Variants in PLCB4 observed in about 807,000 individuals in gnomAD.
The protein encoded by PLCB4 is phospholipase C beta 4, also known as 1-phosphatidylinositol 4,5-bisphosphate phosphodiesterase beta-4.
A neutral mutation model predicts 178.8 loss-of-function variants in PLCB4; 77 were observed. The observed-to-expected ratio is 0.43, with a 90% CI of 0.36 to 0.52. The LOEUF (loss-of-function observed/expected upper bound fraction) is 0.52. Ranked by LOEUF, PLCB4 falls within the 20% of genes least tolerant of loss-of-function variation. The pLI, the probability that PLCB4 is intolerant of heterozygous loss-of-function variation, is 0.00. For missense variants in PLCB4, 1,024 were observed against 1,453.4 expected (o/e 0.70, Z 4.80); for synonymous variants, 496 against 490.8 (o/e 1.01, Z -0.14).
At chr20:9,466,812 C>T (rs191303703) in intron 35 of PLCB4, among the ~76,000 whole-genome samples, 76 of 152,270 alleles carry the variant, frequency 5.0e-4, no homozygotes, top group Admixed American at 2.5e-3. Flanking sequence ...GAAATAGGAA[C>T]GCTTTTACAC....
chr20:9,341,701 A>C (rs2148093135), intron 7 of PLCB4, among the ~76,000 whole-genome samples: 1 of 151,708 alleles, frequency 6.6e-6, no homozygotes, highest in South Asian at 2.1e-4. Context: ...GTGGGCCCAC[A>C]TAGTTCAAAC....
chr20:9,314,424 A>G (rs1372721892), intron 4 of PLCB4, among the ~76,000 whole-genome samples: 1 of 152,020 alleles, frequency 6.6e-6, no homozygotes, highest in Admixed American at 6.6e-5. Flanking sequence ...AAATGAGAAG[A>G]TTTTTCTAAC....
intron 3 of PLCB4, among the ~76,000 whole-genome samples, chr20:9,256,640 A>G (rs1325820081): frequency 6.6e-6 from 1 of 152,198 alleles, no homozygotes; most frequent in East Asian, 1.9e-4. Flanking sequence ...TGGCTGTTAT[A>G]TTTCGTTACA....
At chr20:9,339,899 G>T (rs963519463) in intron 7 of PLCB4, among the ~76,000 whole-genome samples, 1 of 152,144 alleles carries the variant, frequency 6.6e-6, no homozygotes, top group Non-Finnish European at 1.5e-5. Flanking sequence ...AGAAAGCCTC[G>T]TAAATATTTT....
At chr20:9,229,735 A>G (rs996659246) in intron 3 of PLCB4, among the ~76,000 whole-genome samples, 2 of 151,978 alleles carry the variant, frequency 1.3e-5, no homozygotes, top group African/African-American at 4.8e-5. Flanking sequence ...TATGTGCAGG[A>G]TGTGCAGGTC....
chr20:9,429,340 G>C (rs139851766), intron 28 of PLCB4, among the ~76,000 whole-genome samples: 1,908 of 152,202 alleles, frequency 0.013, 23 homozygotes, highest in Non-Finnish European at 0.018. Context: ...ATCAGCACTG[G>C]AAATGAATTC....
chr20:9,158,035 G>A (rs6140880), intron 2 of PLCB4, among the ~76,000 whole-genome samples: 1 of 152,262 alleles, frequency 6.6e-6, no homozygotes, highest in South Asian at 2.1e-4. Context: ...CTTTGAAGTA[G>A]GTACTATCCT....
intron 3 of PLCB4, among the ~76,000 whole-genome samples, chr20:9,295,237 C>T: frequency 6.6e-6 from 1 of 152,104 alleles, no homozygotes; most frequent in Non-Finnish European, 1.5e-5. Flanking sequence ...CTGAACTCTC[C>T]CTGAAAATTG....
chr20:9,466,721 C>T (rs2043810228), intron 35 of PLCB4, among the ~76,000 whole-genome samples: 1 of 152,156 alleles, frequency 6.6e-6, no homozygotes, highest in Non-Finnish European at 1.5e-5. Flanking sequence ...AAATCAAAAC[C>T]ACAAGAGTTG....
chr20:9,371,393 T>C (rs2036241941), intron 10 of PLCB4, 98 bp downstream of exon 10: 1 of 649,646 alleles, frequency 1.5e-6, no homozygotes, highest in Admixed American at 2.4e-5. Flanking sequence ...TGATCTAAAT[T>C]AGATTTGGAA....
At chr20:9,144,413 C>A (rs963921683) in intron 2 of PLCB4, among the ~76,000 whole-genome samples, 4 of 151,820 alleles carry the variant, frequency 2.6e-5, no homozygotes, top group Admixed American at 6.6e-5. Flanking sequence ...GCAGATTACA[C>A]CTTTGCTTAA....
In PLCB4 at chr20:9,417,196, CTTATT is replaced by C. The variant is rs530492708; in HGVS notation, c.2052-2609_2052-2605del. ...TGGATTCTTTAAATCTATGGTTATACTTATTTCTAATAATTTTTTAATTTTTTTTA... is the reference window on the plus strand; with the variant it reads ...TGGATTCTTTAAATCTATGGTTATACTCTAATAATTTTTTAATTTTTTTTA... On this transcript the variant is annotated intron_variant, in intron 25 of 39. Coordinates refer to ENST00000378473, the MANE Select transcript of PLCB4 (RefSeq NM_001377142.1). Among the ~76,000 whole-genome samples the C allele has an allele frequency of 2.6e-3, 402 of 152,020 alleles. 5 individuals are homozygous for C. The highest frequency in any genetic ancestry group is 5.6e-4 in the Non-Finnish European group (38 of 67,968).
At chr20:9,142,389 G>A (rs2092510986) in intron 2 of PLCB4, among the ~76,000 whole-genome samples, 1 of 152,104 alleles carries the variant, frequency 6.6e-6, no homozygotes, top group Non-Finnish European at 1.5e-5. Context: ...AGGTTGTGTG[G>A]ACCAGAGGAA....
chr20:9,436,871 T>C, intron 29 of PLCB4, 131 bp from the exon 30 acceptor site: 1 of 785,900 alleles, frequency 1.3e-6, no homozygotes, highest in Admixed American at 2.9e-5. Context: ...GCTGGATCCT[T>C]TGCCTTTAAG....
At chr20:9,329,923 G>T (rs1261519356) in intron 4 of PLCB4, among the ~76,000 whole-genome samples, 1 of 152,042 alleles carries the variant, frequency 6.6e-6, no homozygotes, top group Non-Finnish European at 1.5e-5. Flanking sequence ...ACTTAATAAG[G>T]ACCCATGCCC....
chr20:9,095,623 T>C (rs572510487), intron 1 of PLCB4, among the ~76,000 whole-genome samples: 1 of 152,296 alleles, frequency 6.6e-6, no homozygotes, highest in Non-Finnish European at 1.5e-5. Flanking sequence ...TCATATTTAG[T>C]ATTTGTTAGT....
intron 32 of PLCB4, among the ~76,000 whole-genome samples, chr20:9,449,509 A>C (rs774370261): frequency 6.6e-6 from 1 of 152,172 alleles, no homozygotes; most frequent in Admixed American, 6.5e-5. Context: ...GTGTCCTCTT[A>C]AAGGAGAGTC....
chr20:9,243,327 G>A (rs914620956), intron 3 of PLCB4, among the ~76,000 whole-genome samples: 4 of 152,216 alleles, frequency 2.6e-5, no homozygotes, highest in Non-Finnish European at 4.4e-5. Context: ...CTGCTGAGCT[G>A]TTCTTCATGA....
chr20:9,339,140 A>C, intron 7 of PLCB4, 103 bp downstream of exon 7: 1 of 897,140 alleles, frequency 1.1e-6, no homozygotes, highest in East Asian at 2.7e-5. Flanking sequence ...TTGTATGGTA[A>C]TTTAAAAGTT....
Sources: gnomAD v4.1 joint callset for allele counts (sites outside exome capture counted in the v4.1 genomes callset) on GRCh38, gnomAD v4.1.1 for gene constraint, MANE v1.5 for transcripts, NCBI Gene and HGNC (gene_info 2026-07-23, HGNC 2026-07-21) for gene names.